Variants in FAM168B observed in about 807,000 individuals in gnomAD.
The protein encoded by FAM168B is family with sequence similarity 168 member B.
In FAM168B, 19 loss-of-function variants were observed where a neutral mutation model predicts 21.8. The ratio of observed to expected loss-of-function variants is 0.87; its 90% CI spans 0.61 to 1.28. The LOEUF (loss-of-function observed/expected upper bound fraction) is 1.28, where lower values mean the gene tolerates loss of function less well. FAM168B is among the 50% of genes most tolerant of loss of function. FAM168B has a pLI of 0.00. For synonymous variants in FAM168B, 126 were observed against 104.8 expected, an observed-to-expected ratio of 1.20 and a Z score of -1.24; for missense variants, 233 against 263.1, an observed-to-expected ratio of 0.89 and a Z score of 0.79.
chr2:131,080,205 C>T (rs530338681), intron 2 of FAM168B, among the ~76,000 whole-genome samples: 105 of 150,932 alleles, frequency 7.0e-4, no homozygotes, highest in African/African-American at 2.4e-3. Context: ...ATGAAGAGCA[C>T]CAAAAACAGT....
At chr2:131,093,139 C>G (rs1471956418) in intron 1 of FAM168B, 75 bp downstream of exon 1, 2 of 150,572 alleles carry the variant, frequency 1.3e-5, no homozygotes, top group South Asian at 2.1e-4. Context: ...ACCTTGGCGC[C>G]GCCCCGAGCC....
At chr2:131,080,295 T>C (rs1693370852) in intron 2 of FAM168B, among the ~76,000 whole-genome samples, 1 of 148,082 alleles carries the variant, frequency 6.8e-6, no homozygotes, top group Non-Finnish European at 1.5e-5. Flanking sequence ...TGAGACAGAG[T>C]CTCGCTCTGT....
At chr2:131,068,737 T>A (rs1692699854) in intron 3 of FAM168B, among the ~76,000 whole-genome samples, 1 of 152,158 alleles carries the variant, frequency 6.6e-6, no homozygotes, top group African/African-American at 2.4e-5. Flanking sequence ...GGTGACAAGC[T>A]GGGCATGGTA....
Position 131,049,147 on chromosome 2 carries a change from G to A in FAM168B, c.*3318C>T, listed in dbSNP as rs548355143. On this transcript the variant is annotated 3_prime_UTR_variant, in exon 7 of 7. Transcript: ENST00000389915. Reference sequence around the variant, plus strand: ...GACAGGTATTAGTACGTCGCAAGTTGCTGTAATAATGTATTTCCTCTCGTT... The same window carrying A: ...GACAGGTATTAGTACGTCGCAAGTTACTGTAATAATGTATTTCCTCTCGTT... The A allele has an allele frequency of 1.7e-4, 164 of 985,410 alleles. No homozygotes were observed. Among genetic ancestry groups the A allele is most frequent in the Middle Eastern group, 1.0e-3 (2 of 1,914 alleles). 61.0% of individuals were successfully genotyped at this position (985,410 alleles called of 1,614,324 possible). A position where few individuals can be genotyped will look rare whatever the true frequency, so the allele number is the denominator to read the frequency against.
At chr2:131,059,470 C>G (rs574424179) in intron 3 of FAM168B, among the ~76,000 whole-genome samples, 1 of 152,130 alleles carries the variant, frequency 6.6e-6, no homozygotes, top group Non-Finnish European at 1.5e-5. Context: ...GAGACACTGC[C>G]GAATGGGATC....
At chr2:131,085,094 AG>A (rs1053432983) in intron 1 of FAM168B, among the ~76,000 whole-genome samples, 1 of 152,128 alleles carries the variant, frequency 6.6e-6, no homozygotes. Flanking sequence ...GTGTGGGGGT[AG>A]GGGGGTATAT....
At chr2:131,063,297 C>G (rs1692396729) in intron 3 of FAM168B, among the ~76,000 whole-genome samples, 1 of 152,170 alleles carries the variant, frequency 6.6e-6, no homozygotes, top group South Asian at 2.1e-4. Context: ...CCAACGATTT[C>G]TAATCACAAC....
intron 2 of FAM168B, among the ~76,000 whole-genome samples, chr2:131,078,201 C>T (rs968186859): frequency 1.3e-5 from 2 of 152,114 alleles, no homozygotes; most frequent in Non-Finnish European, 2.9e-5. Context: ...TAAAAACTGA[C>T]GCACAGGTGA....
rs1573731952 is a variant in FAM168B at position 131,048,979 on chromosome 2, C to G, written c.*3486G>C. 1.0e-6 allele frequency: 1 copy of G among 985,648 alleles called. No individual in the cohort carries two copies. The highest frequency in any genetic ancestry group is 4.7e-5 in the South Asian group (1 of 21,282). The allele number at this position is 985,648 out of a possible 1,614,324, so 61.1% of individuals were successfully genotyped here. ...CAACTGCTCAGAGTAACACTGTTCT[C>G]AAATGTTTAAAAAGGACAGGTGAAG... is the stretch of plus-strand genomic sequence containing the variant. On this transcript the variant is annotated 3_prime_UTR_variant, in exon 7 of 7. Coordinates refer to ENST00000389915, the MANE Select transcript of FAM168B (RefSeq NM_001009993.4).
intron 5 of FAM168B, among the ~76,000 whole-genome samples, chr2:131,054,506 A>C (rs753258956): frequency 6.6e-6 from 1 of 152,244 alleles, no homozygotes; most frequent in Non-Finnish European, 1.5e-5. Flanking sequence ...TGAAGCACAC[A>C]TAATAACCCG....
chr2:131,076,990 G>C (rs1176613311), intron 2 of FAM168B, among the ~76,000 whole-genome samples: 1 of 152,070 alleles, frequency 6.6e-6, no homozygotes, highest in African/African-American at 2.4e-5. Context: ...GAACTCAGCA[G>C]TATCCTAACA....
At chr2:131,062,267 T>C (rs1253755216) in intron 3 of FAM168B, among the ~76,000 whole-genome samples, 5 of 152,174 alleles carry the variant, frequency 3.3e-5, no homozygotes, top group African/African-American at 2.4e-5. Context: ...CAGCCACAAG[T>C]GCTCATCTGG....
At chr2:131,091,152 A>G (rs1422718750) in intron 1 of FAM168B, among the ~76,000 whole-genome samples, 3 of 152,026 alleles carry the variant, frequency 2.0e-5, no homozygotes, top group Admixed American at 6.6e-5. Flanking sequence ...TGGCCAACAT[A>G]GTGAGATGAG....
intron 1 of FAM168B, among the ~76,000 whole-genome samples, chr2:131,087,150 G>A (rs1227325405): frequency 6.6e-6 from 1 of 151,764 alleles, no homozygotes; most frequent in African/African-American, 2.4e-5. Flanking sequence ...GTGGAGGAGG[G>A]AAGAAATAGG....
At chr2:131,079,471 G>T (rs555936162) in intron 2 of FAM168B, among the ~76,000 whole-genome samples, 2 of 152,152 alleles carry the variant, frequency 1.3e-5, no homozygotes, top group African/African-American at 2.4e-5. Flanking sequence ...GTGAGACTTC[G>T]TCTCAAAACA....
At chr2:131,086,911 A>T (rs1426711611) in intron 1 of FAM168B, among the ~76,000 whole-genome samples, 1 of 128,436 alleles carries the variant, frequency 7.8e-6, no homozygotes, top group East Asian at 2.1e-4. Flanking sequence ...TAAAAATACA[A>T]AAAATTAGCC....
rs1407534216 is a variant in FAM168B at position 131,052,975 on chromosome 2, G to T, written c.516C>A (p.Pro172=). The change falls in exon 6 of 7, where the codon CCC becomes CCA. Residue 172 remains proline, a synonymous_variant. Coordinates refer to ENST00000389915, the MANE Select transcript of FAM168B (RefSeq NM_001009993.4). The part of the protein sequence containing the change: ...LTAHSPTPVA[P]HPVTVPTYRA... ...GGTACGTGGGCACAGTGACCGGGTG[G>T]GGGGCGACAGGAGTTGGGGAGTGAG... 6.4e-7 allele frequency: 1 copy of T among 1,558,856 alleles called. No individual in the cohort carries two copies. Among genetic ancestry groups the T allele is most frequent in the South Asian group, 1.2e-5 (1 of 84,502 alleles).
chr2:131,047,942 C>T lies in FAM168B; in HGVS notation c.*4523G>A, dbSNP rs538220398. 9.0e-6 allele frequency: 2 copies of T among 222,166 alleles called. No individual in the cohort carries two copies. The highest frequency in any genetic ancestry group is 2.3e-5 in the African/African-American group (1 of 43,916). 13.8% of individuals were successfully genotyped at this position (222,166 alleles called of 1,614,324 possible). A position where few individuals can be genotyped will look rare whatever the true frequency, so the allele number is the denominator to read the frequency against. ...ACATAACAATTCTTGTTACAATAAA[C>T]GTGCTTTTGAGATTTTTAAATCTGA... is the stretch of plus-strand genomic sequence containing the variant. On this transcript the variant is annotated 3_prime_UTR_variant, in exon 7 of 7. Coordinates refer to ENST00000389915, the MANE Select transcript of FAM168B (RefSeq NM_001009993.4).
intron 1 of FAM168B, among the ~76,000 whole-genome samples, chr2:131,087,157 T>C (rs940512527): frequency 7.0e-6 from 1 of 142,250 alleles, no homozygotes; most frequent in African/African-American, 2.6e-5. Flanking sequence ...AGGGAAGAAA[T>C]AGGAAAAACT....
Sources: allele counts gnomAD v4.1 joint callset (sites outside exome capture counted in the v4.1 genomes callset), GRCh38; gene constraint gnomAD v4.1.1; transcripts MANE v1.5; gene names NCBI Gene and HGNC (gene_info 2026-07-23, HGNC 2026-07-21).